Variants in SLC6A17 observed in about 807,000 individuals in gnomAD.
SLC6A17 encodes the protein solute carrier family 6 member 17.
In SLC6A17, 21 loss-of-function variants were observed where a neutral mutation model predicts 64.5. That is an observed-to-expected ratio of 0.33 (90% confidence interval 0.23 to 0.47). The LOEUF (loss-of-function observed/expected upper bound fraction) is 0.47, where lower values mean the gene tolerates loss of function less well. SLC6A17 is among the 20% of genes least tolerant of loss of function. SLC6A17 has a pLI of 1.00. For missense variants in SLC6A17, 682 were observed against 963.2 expected, an observed-to-expected ratio of 0.71 and a Z score of 3.86; for synonymous variants, 372 against 399.5, an observed-to-expected ratio of 0.93 and a Z score of 0.82.
chr1:110,151,407 C>A (rs758026774), intron 1 of SLC6A17, among the ~76,000 whole-genome samples: 1 of 152,264 alleles, frequency 6.6e-6, no homozygotes, highest in Non-Finnish European at 1.5e-5. Context: ...AATTCTCAGT[C>A]CTGGGGCTGG....
At chr1:110,186,681 TC>T (rs869055730) in intron 6 of SLC6A17, among the ~76,000 whole-genome samples, 5 of 123,644 alleles carry the variant, frequency 4.0e-5, no homozygotes, top group Non-Finnish European at 5.5e-5. Flanking sequence ...TCTCTCTCTC[TC>T]GCTCCCGACT....
At chr1:110,173,256 C>T (rs1043636535) in intron 3 of SLC6A17, among the ~76,000 whole-genome samples, 15 of 152,204 alleles carry the variant, frequency 9.9e-5, no homozygotes, top group African/African-American at 2.4e-4. Context: ...ATGAAGCAAG[C>T]GGCCCTCAGC....
At position 110,200,408 on chromosome 1, in the gene SLC6A17, C is replaced by T; in HGVS notation, c.*1964C>T. ...ACAACACCTCCTACCTGGCCCCTTGCCAAATCCCAAGCAGAATTAGCAACA... is the reference window on the plus strand; with the variant it reads ...ACAACACCTCCTACCTGGCCCCTTGTCAAATCCCAAGCAGAATTAGCAACA... On this transcript the variant is annotated 3_prime_UTR_variant, in exon 12 of 12. Coordinates refer to ENST00000331565, the MANE Select transcript of SLC6A17 (RefSeq NM_001010898.4). 3.5e-6 allele frequency: 1 copy of T among 285,740 alleles called. No homozygotes were observed. Among genetic ancestry groups the T allele is most frequent in the East Asian group, 5.9e-5 (1 of 17,090 alleles). 17.7% of individuals were successfully genotyped at this position (285,740 alleles called of 1,614,324 possible). A position where few individuals can be genotyped will look rare whatever the true frequency, so the allele number is the denominator to read the frequency against.
intron 1 of SLC6A17, among the ~76,000 whole-genome samples, chr1:110,152,444 G>A (rs1302452053): frequency 6.6e-6 from 1 of 152,170 alleles, no homozygotes; most frequent in Admixed American, 6.5e-5. Context: ...TGAGTTGATT[G>A]GAGTTCTTTA....
intron 6 of SLC6A17, among the ~76,000 whole-genome samples, chr1:110,187,248 G>T (rs1656709995): frequency 1.3e-5 from 2 of 152,022 alleles, no homozygotes; most frequent in South Asian, 2.1e-4. Context: ...TCGCGAATCG[G>T]GCAGCCTTCC....
intron 4 of SLC6A17, 114 bp downstream of exon 4, chr1:110,174,213 A>G (rs1656313519): frequency 7.1e-7 from 1 of 1,401,080 alleles, no homozygotes; most frequent in Admixed American, 2.5e-5. Context: ...TGGATAAGTC[A>G]CTTAACATCT....
intron 2 of SLC6A17, among the ~76,000 whole-genome samples, chr1:110,171,144 C>T (rs1656213757): frequency 6.6e-6 from 1 of 152,120 alleles, no homozygotes; most frequent in Non-Finnish European, 1.5e-5. Context: ...TAGCTGGGGG[C>T]TTCTGGAGGC....
Position 110,192,353 on chromosome 1 carries a change from C to T in SLC6A17, c.1106+140C>T, listed in dbSNP as rs542156004. ...GGAATGGAGATCAGAGGAGCACTCT[C>T]TGTCCCCAGCTCCGGGCCACAGGGA... On this transcript the variant is annotated intron_variant, in intron 7 of 11. Transcript: ENST00000331565. This position sits in a 1 kb window ranked among gnomAD's most constrained non-coding sequence, Gnocchi z 4.3. The T allele has an allele frequency of 3.8e-4, 546 of 1,455,570 alleles. 2 individuals carry two copies. The Admixed American group carries it at 3.9e-3, about 10-fold the overall frequency. The allele number at this position is 1,455,570 out of a possible 1,614,324, so 90.2% of individuals were successfully genotyped here.
chr1:110,155,268 T>C (rs1473599192), intron 1 of SLC6A17, among the ~76,000 whole-genome samples: 1 of 152,244 alleles, frequency 6.6e-6, no homozygotes, highest in Non-Finnish European at 1.5e-5. Flanking sequence ...TTTCTCTTCC[T>C]TCTCCTCCTC....
intron 6 of SLC6A17, among the ~76,000 whole-genome samples, chr1:110,182,621 C>CAG (rs34967450): frequency 0.45 from 67,701 of 150,132 alleles, 15,760 homozygotes; most frequent in Admixed American, 0.54. Flanking sequence ...AGAATAGGAG[C>CAG]AGAGAGAGAG....
At chr1:110,181,989 A>G (rs1438034164) in intron 6 of SLC6A17, among the ~76,000 whole-genome samples, 1 of 152,224 alleles carries the variant, frequency 6.6e-6, no homozygotes, top group Non-Finnish European at 1.5e-5. Flanking sequence ...GCAGAGGAGT[A>G]GCATGATCTG....
At chr1:110,152,705 T>C (rs936259799) in intron 1 of SLC6A17, among the ~76,000 whole-genome samples, 1 of 152,160 alleles carries the variant, frequency 6.6e-6, no homozygotes, top group African/African-American at 2.4e-5. Flanking sequence ...TGGGGTGACC[T>C]TGGGCAAGTC....
chr1:110,166,894 G>A lies in SLC6A17; in HGVS notation c.-36G>A, dbSNP rs1570983524. ...CAGCTGAATTCCATCTTCTCTGTGTGCTGGGGAGCAGGGCTACACGGCCCA... is the reference window on the plus strand; with the variant it reads ...CAGCTGAATTCCATCTTCTCTGTGTACTGGGGAGCAGGGCTACACGGCCCA... On this transcript the variant is annotated 5_prime_UTR_variant, in exon 2 of 12. Coordinates refer to ENST00000331565, the MANE Select transcript of SLC6A17 (RefSeq NM_001010898.4). 1 of 1,567,724 alleles carries A rather than the reference G, an allele frequency of 6.4e-7. No homozygotes were observed. The highest frequency in any genetic ancestry group is 2.3e-5 in the East Asian group (1 of 44,224).
intron 6 of SLC6A17, among the ~76,000 whole-genome samples, chr1:110,186,229 G>A (rs1315126067): frequency 2.6e-5 from 4 of 152,096 alleles, no homozygotes; most frequent in Admixed American, 6.5e-5. Flanking sequence ...TGCAGTTTGG[G>A]ATTGTGGTAT....
intron 6 of SLC6A17, chr1:110,178,095 A>T (rs1053959650): frequency 6.6e-6 from 1 of 152,260 alleles, no homozygotes; most frequent in Non-Finnish European, 1.5e-5. Context: ...TTTCTTTGGG[A>T]GAAAATAGCC....
chr1:110,191,198 G>A (rs940338392), intron 6 of SLC6A17, among the ~76,000 whole-genome samples: 6 of 152,128 alleles, frequency 3.9e-5, no homozygotes, highest in Admixed American at 2.0e-4. Context: ...TTTAAAGATG[G>A]GAGTCAGGAT....
At chr1:110,176,874 AGAT>A in intron 6 of SLC6A17, 135 bp downstream of exon 6, 1 of 760,604 alleles carries the variant, frequency 1.3e-6, no homozygotes, top group Non-Finnish European at 2.1e-6. Context: ...GGCCCTGGAG[AGAT>A]GCACAGGGAA....
At position 110,200,044 on chromosome 1, in the gene SLC6A17, G is replaced by A. The variant is rs957657706; in HGVS notation, c.*1600G>A. 2.5e-6 allele frequency: 1 copy of A among 398,502 alleles called. No individual in the cohort carries two copies. 24.7% of individuals were successfully genotyped at this position (398,502 alleles called of 1,614,324 possible). On this transcript the variant is annotated 3_prime_UTR_variant, in exon 12 of 12. Coordinates refer to ENST00000331565, the MANE Select transcript of SLC6A17 (RefSeq NM_001010898.4). ...GGCTCCATCTTTGAGAGCTCTGGTGGGCAGGGCAGAAACAGGCCACAGTGC... is the reference window on the plus strand; with the variant it reads ...GGCTCCATCTTTGAGAGCTCTGGTGAGCAGGGCAGAAACAGGCCACAGTGC...
chr1:110,155,898 G>A (rs140206639), intron 1 of SLC6A17, among the ~76,000 whole-genome samples: 21 of 152,276 alleles, frequency 1.4e-4, no homozygotes, highest in Non-Finnish European at 2.6e-4. Flanking sequence ...AGCTCTAAAT[G>A]GAGCAGAAGC....
Sources: allele counts gnomAD v4.1 joint callset (sites outside exome capture counted in the v4.1 genomes callset), GRCh38; gene constraint gnomAD v4.1.1; non-coding constraint Gnocchi (gnomAD v3.1); transcripts MANE v1.5; gene names NCBI Gene and HGNC (gene_info 2026-07-23, HGNC 2026-07-21).